Variants in ESRRG observed in about 807,000 individuals in gnomAD.
ESRRG encodes the protein estrogen related receptor gamma.
In ESRRG, 13 loss-of-function variants were observed where a neutral mutation model predicts 44.0. That is an observed-to-expected ratio of 0.30 (90% CI 0.19 to 0.47). ESRRG has a LOEUF of 0.47. Among genes scored for constraint, ESRRG ranks in the 20% least tolerant of loss-of-function variants. ESRRG has a pLI of 1.00. For synonymous variants in ESRRG, 215 were observed against 214.6 expected, an observed-to-expected ratio of 1.00 and a Z score of -0.02; for missense variants, 395 against 580.6, an observed-to-expected ratio of 0.68 and a Z score of 3.29.
chr1:217,053,423 C>A (rs1219418111), intron 1 of ESRRG, among the ~76,000 whole-genome samples: 1 of 145,812 alleles, frequency 6.9e-6, no homozygotes, highest in African/African-American at 2.6e-5. Flanking sequence ...CCACTGCACT[C>A]CAGCCTGGGC....
intron 1 of ESRRG, among the ~76,000 whole-genome samples, chr1:216,990,279 A>G (rs138244146): frequency 2.3e-4 from 35 of 152,338 alleles, no homozygotes; most frequent in Non-Finnish European, 4.4e-4. Flanking sequence ...TGAACCAATG[A>G]GTCCTATTGT....
chr1:217,133,623 T>TTCTCTCTCTCTC (rs1558297993), intron 1 of ESRRG, among the ~76,000 whole-genome samples: 2 of 33,742 alleles, frequency 5.9e-5, no homozygotes, highest in African/African-American at 2.3e-4. Context: ...CTTTCTTTCT[T>TTCTCTCTCTCTC]TCTTTCTTTC....
intron 5 of ESRRG, among the ~76,000 whole-genome samples, chr1:216,553,213 T>A (rs532479607): frequency 6.6e-6 from 1 of 152,298 alleles, no homozygotes; most frequent in South Asian, 2.1e-4. Context: ...CAGGCCACCA[T>A]GTGCCCTGGC....
intron 1 of ESRRG, among the ~76,000 whole-genome samples, chr1:217,038,980 C>T (rs1411957428): frequency 2.0e-5 from 3 of 152,184 alleles, no homozygotes; most frequent in Non-Finnish European, 4.4e-5. Context: ...TAAATGATCT[C>T]TCTCAAGTTC....
intron 1 of ESRRG, among the ~76,000 whole-genome samples, chr1:217,046,262 A>T (rs2084863877): frequency 1.3e-5 from 2 of 152,138 alleles, no homozygotes; most frequent in Non-Finnish European, 2.9e-5. Flanking sequence ...TTTTAATTTT[A>T]TATCCCTATA....
intron 1 of ESRRG, among the ~76,000 whole-genome samples, chr1:216,698,434 G>T (rs1433024378): frequency 6.6e-6 from 1 of 150,958 alleles, no homozygotes; most frequent in African/African-American, 2.4e-5. Context: ...CAGGAGAACG[G>T]CGTGAACCCG....
At chr1:216,869,710 A>C (rs1577441786) in intron 2 of ESRRG, among the ~76,000 whole-genome samples, 1 of 152,028 alleles carries the variant, frequency 6.6e-6, no homozygotes, top group African/African-American at 2.4e-5. Context: ...TTTAGGTTAG[A>C]TAGTCTGTGA....
upstream of ESRRG, among the ~76,000 whole-genome samples, chr1:217,093,074 C>G (rs1194186641): frequency 6.6e-6 from 1 of 152,066 alleles, no homozygotes; most frequent in Non-Finnish European, 1.5e-5. Flanking sequence ...TCTTATGAGT[C>G]TTTCTCTGCT....
At chr1:216,898,922 G>A (rs2058740959) in intron 2 of ESRRG, among the ~76,000 whole-genome samples, 1 of 152,128 alleles carries the variant, frequency 6.6e-6, no homozygotes, top group African/African-American at 2.4e-5. Flanking sequence ...CAGTAGGGAA[G>A]GCCACTGAGC....
At chr1:216,885,560 A>G (rs974076545) in intron 2 of ESRRG, among the ~76,000 whole-genome samples, 1 of 151,448 alleles carries the variant, frequency 6.6e-6, no homozygotes, top group Non-Finnish European at 1.5e-5. Flanking sequence ...TTTTTTTTTA[A>G]TAGTCATTTT....
intron 1 of ESRRG, among the ~76,000 whole-genome samples, chr1:216,995,976 A>C (rs2076324429): frequency 6.6e-6 from 1 of 152,176 alleles, no homozygotes; most frequent in African/African-American, 2.4e-5. Context: ...TCCAGGATTC[A>C]AAATGTGGGT....
chr1:216,977,342 A>ACACACACACACG (rs34812870), intron 1 of ESRRG, among the ~76,000 whole-genome samples: 2 of 6,010 alleles, frequency 3.3e-4, no homozygotes, highest in African/African-American at 1.9e-3. Context: ...GAGGATACAT[A>ACACACACACACG]CACACACACA....
chr1:217,125,391 C>A (rs2092876984), intron 1 of ESRRG, among the ~76,000 whole-genome samples: 1 of 152,124 alleles, frequency 6.6e-6, no homozygotes, highest in Admixed American at 6.5e-5. Context: ...TCTGAAACAT[C>A]CTATAGTGAA....
At chr1:216,888,102 A>C (rs966106918) in intron 2 of ESRRG, among the ~76,000 whole-genome samples, 3 of 152,156 alleles carry the variant, frequency 2.0e-5, no homozygotes, top group African/African-American at 4.8e-5. Flanking sequence ...AGGTCCTCTC[A>C]TCAAATTAGC....
chr1:217,036,135 G>A (rs200580878), intron 1 of ESRRG, among the ~76,000 whole-genome samples: 70 of 152,190 alleles, frequency 4.6e-4, no homozygotes, highest in East Asian at 3.9e-3. Flanking sequence ...CAGTCAGAAT[G>A]GGTATTATTA....
intron 2 of ESRRG, among the ~76,000 whole-genome samples, chr1:216,802,515 G>A (rs537735673): frequency 1.8e-4 from 27 of 152,238 alleles, no homozygotes; most frequent in African/African-American, 6.3e-4. Flanking sequence ...CATAATTTGT[G>A]GGGCCCAGTG....
At chr1:216,888,565 C>T (rs913417854) in intron 2 of ESRRG, among the ~76,000 whole-genome samples, 2 of 152,076 alleles carry the variant, frequency 1.3e-5, no homozygotes, top group African/African-American at 2.4e-5. Context: ...TATAGTTCAC[C>T]TTTCTCCATT....
chr1:216,802,131 TGCA>T, intron 2 of ESRRG, among the ~76,000 whole-genome samples: 1 of 152,110 alleles, frequency 6.6e-6, no homozygotes, highest in Non-Finnish European at 1.5e-5. Flanking sequence ...GTGTAGTGAC[TGCA>T]GAAGCATCAA....
intron 1 of ESRRG, among the ~76,000 whole-genome samples, chr1:216,988,402 T>C (rs927592811): frequency 6.6e-6 from 1 of 152,232 alleles, no homozygotes; most frequent in African/African-American, 2.4e-5. Flanking sequence ...GTTTTCCTTA[T>C]TGTAATTTTC....
Sources: gnomAD v4.1 joint callset for allele counts (sites outside exome capture counted in the v4.1 genomes callset) on GRCh38, gnomAD v4.1.1 for gene constraint, MANE v1.5 for transcripts, NCBI Gene and HGNC (gene_info 2026-07-23, HGNC 2026-07-21) for gene names.